Variants in MGAM observed in about 807,000 individuals in gnomAD.
MGAM encodes maltase-glucoamylase, also known as alpha-1,4-glucosidase.
A neutral mutation model predicts 358.8 loss-of-function variants in MGAM; 253 were observed. The observed-to-expected ratio is 0.71, with a 90% CI of 0.64 to 0.78. The LOEUF (loss-of-function observed/expected upper bound fraction) is 0.78, where lower values mean the gene tolerates loss of function less well. Among genes scored for constraint, MGAM ranks in the 30% least tolerant of loss-of-function variants. The pLI is 0.00. For missense variants in MGAM, 3,080 were observed against 3,432.6 expected (o/e 0.90, Z 2.57); for synonymous variants, 1,105 against 1,227.1 (o/e 0.90, Z 2.08).
At chr7:142,092,194 G>A in intron 58 of MGAM, 147 bp downstream of exon 58, 1 of 1,179,006 alleles carries the variant, frequency 8.5e-7, no homozygotes, top group Non-Finnish European at 1.2e-6. Flanking sequence ...CTCAGGAGAG[G>A]AACAGCCCTG....
chr7:142,095,922 A>G lies in MGAM; in HGVS notation c.7607+209A>G, dbSNP rs190734047. ...TATTGATTGAATGAGCAAAACTGAA[A>G]TGATGCAGTATAGCATAGAATAATT... On this transcript the variant is annotated intron_variant, in intron 64 of 70. Coordinates refer to ENST00000475668, the MANE Select transcript of MGAM (RefSeq NM_001365693.1). 3.7e-3 allele frequency: 2,806 copies of G among 761,120 alleles called. 15 individuals carry two copies. Among genetic ancestry groups the G allele is most frequent in the Middle Eastern group, 5.4e-3 (21 of 3,884 alleles). The allele number at this position is 761,120 out of a possible 1,614,324, so 47.1% of individuals were successfully genotyped here. A position where few individuals can be genotyped will look rare whatever the true frequency, so the allele number is the denominator to read the frequency against.
At position 142,002,431 on chromosome 7, in the gene MGAM, T is replaced by C. The variant is rs557639038; in HGVS notation, c.-2-3098T>C. Among the ~76,000 whole-genome samples the C allele has an allele frequency of 3.3e-5, 5 of 152,196 alleles. No individual in the cohort carries two copies. The East Asian group carries it at 9.7e-4, about 29-fold the overall frequency. ...GGATGATTCAACATGCACAATTCCATAAATGTGATTCATCACACAAACAGA... is the reference window on the plus strand; with the variant it reads ...GGATGATTCAACATGCACAATTCCACAAATGTGATTCATCACACAAACAGA... On this transcript the variant is annotated intron_variant, in intron 1 of 70. Coordinates refer to ENST00000475668, the MANE Select transcript of MGAM (RefSeq NM_001365693.1).
In MGAM at chr7:142,103,305, A is replaced by G; in HGVS notation, c.8050A>G (p.Ile2684Val). Residue 2684 changes from isoleucine to valine, a missense_variant, in exon 70 of 71, where the codon ATC becomes GTC. Around this residue, in one of 5 missense-constraint regions of MGAM, gnomAD observed 194 missense variants for 172.8 expected, o/e 1.12. Transcript: ENST00000475668. ...MQSHIIFNNYITGTNPLKLGY... is the reference protein window; with the variant it reads ...MQSHIIFNNYVTGTNPLKLGY... Reference sequence around the variant, plus strand: ...AAGCCATATAATTTTCAACAATTACATCACTGGTACAAATCCTTTGAAACT... The same window carrying G: ...AAGCCATATAATTTTCAACAATTACGTCACTGGTACAAATCCTTTGAAACT... The G allele has an allele frequency of 6.2e-7, 1 of 1,611,780 alleles. No homozygotes were observed. The highest frequency in any genetic ancestry group is 8.5e-7 in the Non-Finnish European group (1 of 1,179,046).
chr7:142,073,006 A>G (rs1813465913), intron 44 of MGAM, among the ~76,000 whole-genome samples: 1 of 146,396 alleles, frequency 6.8e-6, no homozygotes, highest in Admixed American at 6.9e-5. Flanking sequence ...ACATTTTAGC[A>G]GGAATATATG....
intron 48 of MGAM, 127 bp downstream of exon 48, chr7:142,078,597 C>T: frequency 8.8e-7 from 1 of 1,134,914 alleles, no homozygotes; most frequent in African/African-American, 1.5e-5. Flanking sequence ...GGGACATGAT[C>T]TGGATGTGAC....
At position 142,093,828 on chromosome 7, in the gene MGAM, G is replaced by C. The variant is rs1397771339; in HGVS notation, c.7172+278G>C. ...ACATGGAGACATCATAATGATCACA[G>C]AGGGCAGCCGGTGGTACAACAGCTT... On this transcript the variant is annotated intron_variant, in intron 60 of 70. Coordinates refer to ENST00000475668, the MANE Select transcript of MGAM (RefSeq NM_001365693.1). 2.7e-5 allele frequency among the ~76,000 whole-genome samples: 4 copies of C among 146,084 alleles called. 1 individual carries two copies. Among genetic ancestry groups the C allele is most frequent in the Non-Finnish European group, 6.2e-5 (4 of 64,502 alleles).
Position 142,036,806 on chromosome 7 carries a change from C to T in MGAM, c.2077-17C>T, listed in dbSNP as rs1554466040. Reference sequence around the variant, plus strand: ...CCTGCAGCCAAACCACAACTGCAAACTCCTATTTCCTCCCAGGACCAGGAT... The same window carrying T: ...CCTGCAGCCAAACCACAACTGCAAATTCCTATTTCCTCCCAGGACCAGGAT... On this transcript the variant is annotated splice_polypyrimidine_tract_variant and intron_variant, in intron 17 of 70. Transcript: ENST00000475668. 1.2e-6 allele frequency: 2 copies of T among 1,611,948 alleles called. No homozygotes were observed. Among genetic ancestry groups the T allele is most frequent in the South Asian group, 1.1e-5 (1 of 90,790 alleles).
At chr7:142,089,912 C>T in intron 57 of MGAM, among the ~76,000 whole-genome samples, 1 of 146,634 alleles carries the variant, frequency 6.8e-6, no homozygotes, top group East Asian at 2.0e-4. Flanking sequence ...GATGAAGCCA[C>T]TGATGTCCAG....
rs745500919 is a variant in MGAM at position 142,080,774 on chromosome 7, G to A, written c.5848-17G>A. The A allele has an allele frequency of 1.6e-5, 24 of 1,541,386 alleles. 3 individuals are homozygous for A. The highest frequency in any genetic ancestry group is 6.9e-5 in the East Asian group (3 of 43,596). ...AAGAGTAGTATTCTTGCCTAAAATC[G>A]TTTTCCTCTGGCCTAGATTTATGAT... On this transcript the variant is annotated splice_polypyrimidine_tract_variant and intron_variant, in intron 49 of 70. Coordinates refer to ENST00000475668, the MANE Select transcript of MGAM (RefSeq NM_001365693.1).
At chr7:142,011,939 A>G (rs1805631891) in intron 3 of MGAM, among the ~76,000 whole-genome samples, 1 of 152,190 alleles carries the variant, frequency 6.6e-6, no homozygotes, top group South Asian at 2.1e-4. Flanking sequence ...CTCAAGATGC[A>G]CATATTATAA....
At chr7:142,030,267 G>T in intron 10 of MGAM, 95 bp from the exon 11 acceptor site, 1 of 1,287,254 alleles carries the variant, frequency 7.8e-7, no homozygotes. Flanking sequence ...GCCCAGAACA[G>T]AGTTGTTTAT....
intron 57 of MGAM, among the ~76,000 whole-genome samples, chr7:142,091,442 G>T (rs1237292410): frequency 1.4e-5 from 2 of 145,928 alleles, no homozygotes; most frequent in African/African-American, 4.9e-5. Context: ...GAGGTGTACT[G>T]GTCTTATATC....
chr7:142,079,071 G>A (rs1185314836), intron 49 of MGAM, 63 bp downstream of exon 49: 1 of 1,364,616 alleles, frequency 7.3e-7, no homozygotes, highest in Non-Finnish European at 1.0e-6. Context: ...TCTTTTTCTG[G>A]TTCAGGTCAC....
At chr7:142,066,345 T>G (rs879253681) in intron 40 of MGAM, among the ~76,000 whole-genome samples, 1 of 145,958 alleles carries the variant, frequency 6.9e-6, no homozygotes, top group East Asian at 2.0e-4. Context: ...CAGGCAGAAT[T>G]TTACCAAATG....
intron 21 of MGAM, among the ~76,000 whole-genome samples, chr7:142,042,004 T>C (rs1297415375): frequency 0.053 from 791 of 14,878 alleles, 25 homozygotes; most frequent in Middle Eastern, 0.2. Context: ...ATATATTATA[T>C]ATATAATATA....
In MGAM at chr7:142,021,663, T is replaced by A; in HGVS notation, c.636T>A (p.Ser212=). 1 of 1,613,978 alleles carries A rather than the reference T, an allele frequency of 6.2e-7. No individual in the cohort carries two copies. Among genetic ancestry groups the A allele is most frequent in the Non-Finnish European group, 8.5e-7 (1 of 1,179,834 alleles). ...CCTTCAGTGGAAATGCTGCTGCTTC[T>A]TTGACCTACCAAGTTGAAATCTCCA... ...VQSFSGNAAA[S]LTYQVEISRQ... is the part of the protein sequence containing the mutation. The change falls in exon 6 of 71, where the codon TCT becomes TCA. Residue 212 remains serine, a synonymous_variant. Transcript: ENST00000475668.
rs1377547158 is a variant in MGAM at position 142,042,561 on chromosome 7, TATATA to T, written c.2498+1721_2498+1725del. ...TAATATATATTATATATACATATTA[TATATA>T]ATATATAATATATATTATATATACA... On this transcript the variant is annotated intron_variant, in intron 21 of 70. Transcript: ENST00000475668. Among the ~76,000 whole-genome samples the T allele has an allele frequency of 2.4e-4, 5 of 20,968 alleles. 2 individuals are homozygous for T. In the East Asian group the frequency reaches 8.1e-3, roughly 34 times the overall value. 13.8% of individuals were successfully genotyped at this position (20,968 alleles called of 152,430 possible). A position where few individuals can be genotyped will look rare whatever the true frequency, so the allele number is the denominator to read the frequency against.
chr7:142,062,973 C>A (rs931873709), intron 35 of MGAM, among the ~76,000 whole-genome samples: 2 of 152,076 alleles, frequency 1.3e-5, no homozygotes, highest in Non-Finnish European at 2.9e-5. Context: ...CTGAGGTGGG[C>A]AGATCACCTG....
At chr7:141,991,001 T>A (rs1563091821), upstream of MGAM, among the ~76,000 whole-genome samples, 1 of 152,222 alleles carries the variant, frequency 6.6e-6, no homozygotes, top group Non-Finnish European at 1.5e-5. Flanking sequence ...CATGGAGGAA[T>A]CACGCTCATC....
Sources: allele counts gnomAD v4.1 joint callset (sites outside exome capture counted in the v4.1 genomes callset), GRCh38; gene constraint gnomAD v4.1.1; regional missense constraint gnomAD v4.1.1; transcripts MANE v1.5; gene names NCBI Gene and HGNC (gene_info 2026-07-23, HGNC 2026-07-21).